Variants in KCNK9 observed in about 807,000 individuals in gnomAD.
The protein encoded by KCNK9 is potassium channel subfamily K member 9.
In KCNK9, 1 loss-of-function variant was observed where a neutral mutation model predicts 10.8. The ratio of observed to expected loss-of-function variants is 0.09; its 90% CI spans 0.03 to 0.44. The LOEUF (loss-of-function observed/expected upper bound fraction) is 0.44. Among genes scored for constraint, KCNK9 ranks in the 20% least tolerant of loss-of-function variants. KCNK9 has a pLI of 0.97. For synonymous variants in KCNK9, 231 were observed against 222.7 expected, an observed-to-expected ratio of 1.04 and a Z score of -0.33; for missense variants, 303 against 515.0, an observed-to-expected ratio of 0.59 and a Z score of 3.98.
chr8:139,677,116 G>A (rs1816567027), intron 1 of KCNK9, among the ~76,000 whole-genome samples: 1 of 152,160 alleles, frequency 6.6e-6, no homozygotes, highest in African/African-American at 2.4e-5. Flanking sequence ...CCCACATCAT[G>A]TTTCTGGACC....
chr8:139,600,995 C>G (rs1817351380), downstream of KCNK9: 1 of 152,184 alleles, frequency 6.6e-6, no homozygotes, highest in Non-Finnish European at 1.5e-5. Flanking sequence ...GCAGGACCAC[C>G]TGGCATCTGT....
Position 139,702,658 on chromosome 8 carries a change from T to A in KCNK9, c.283+52A>T. 6.5e-7 allele frequency: 1 copy of A among 1,538,154 alleles called. No homozygotes were observed. Among genetic ancestry groups the A allele is most frequent in the Non-Finnish European group, 8.8e-7 (1 of 1,142,530 alleles). ...GCCCGGCGCGGCGCGCTCAGCCGCCTCCCCGGACTCCTCCCGGGGCGCGGG... is the reference window on the plus strand; with the variant it reads ...GCCCGGCGCGGCGCGCTCAGCCGCCACCCCGGACTCCTCCCGGGGCGCGGG... On this transcript the variant is annotated intron_variant, in intron 1 of 1. Transcript: ENST00000520439. This position sits in a 1 kb window ranked among gnomAD's most constrained non-coding sequence, Gnocchi z 7.5.
At chr8:139,671,718 T>C (rs1360768469) in intron 1 of KCNK9, among the ~76,000 whole-genome samples, 1 of 152,008 alleles carries the variant, frequency 6.6e-6, no homozygotes, top group Non-Finnish European at 1.5e-5. Flanking sequence ...TGTAATTGTT[T>C]TTTGTATTTT....
intron 1 of KCNK9, among the ~76,000 whole-genome samples, chr8:139,700,544 G>GCACACA (rs145303403): frequency 7.0e-6 from 1 of 142,588 alleles, no homozygotes; most frequent in South Asian, 2.2e-4. Flanking sequence ...ACACACGCGC[G>GCACACA]CACACACACA....
chr8:139,687,399 T>C (rs572766198), intron 1 of KCNK9, among the ~76,000 whole-genome samples: 1,437 of 101,572 alleles, frequency 0.014, 29 homozygotes, highest in East Asian at 0.043. Context: ...TATATGTGTA[T>C]ACATATATAT....
chr8:139,667,909 C>G (rs1816339033), intron 1 of KCNK9, among the ~76,000 whole-genome samples: 1 of 151,636 alleles, frequency 6.6e-6, no homozygotes, highest in Admixed American at 6.6e-5. Flanking sequence ...GATTCCATTG[C>G]ATAGTTGGGC....
At chr8:139,659,305 T>G (rs932809868) in intron 1 of KCNK9, among the ~76,000 whole-genome samples, 12 of 152,310 alleles carry the variant, frequency 7.9e-5, no homozygotes, top group Non-Finnish European at 1.5e-4. Flanking sequence ...AAGAGCTGCC[T>G]TCAAATATTT....
At chr8:139,667,957 A>C (rs1816340091) in intron 1 of KCNK9, among the ~76,000 whole-genome samples, 1 of 151,840 alleles carries the variant, frequency 6.6e-6, no homozygotes, top group Non-Finnish European at 1.5e-5. Flanking sequence ...CTCCAAAGCC[A>C]CACCTCCTTT....
intron 1 of KCNK9, among the ~76,000 whole-genome samples, chr8:139,661,533 T>C (rs1816151084): frequency 6.6e-6 from 1 of 152,010 alleles, no homozygotes; most frequent in African/African-American, 2.4e-5. Flanking sequence ...ACAGGAAGGG[T>C]ATGCCCTCCC....
At chr8:139,612,509 T>C (rs1814458583), downstream of KCNK9, 1 of 151,546 alleles carries the variant, frequency 6.6e-6, no homozygotes, top group African/African-American at 2.4e-5. Flanking sequence ...GCTTCCTGTC[T>C]ATGTGTAGCT....
intron 1 of KCNK9, among the ~76,000 whole-genome samples, chr8:139,679,349 C>T (rs993964257): frequency 1.3e-5 from 2 of 152,232 alleles, no homozygotes; most frequent in Non-Finnish European, 2.9e-5. Flanking sequence ...ACTCCCTGAG[C>T]ACGGGGGTGT....
chr8:139,699,751 G>A (rs1817155223), intron 1 of KCNK9, among the ~76,000 whole-genome samples: 1 of 152,184 alleles, frequency 6.6e-6, no homozygotes, highest in Non-Finnish European at 1.5e-5. Flanking sequence ...CTTTTAGGAA[G>A]GCTCGGCCAC....
At chr8:139,635,087 G>A (rs984093151) in intron 1 of KCNK9, among the ~76,000 whole-genome samples, 2 of 152,212 alleles carry the variant, frequency 1.3e-5, no homozygotes, top group South Asian at 2.1e-4. Context: ...AGGCAGTCCT[G>A]TCAGAGAACA....
intron 1 of KCNK9, among the ~76,000 whole-genome samples, chr8:139,685,080 A>C (rs1487258278): frequency 6.6e-6 from 1 of 150,438 alleles, no homozygotes; most frequent in Admixed American, 6.7e-5. Flanking sequence ...AGTTTGATTT[A>C]ATAGGTTTGT....
intron 1 of KCNK9, among the ~76,000 whole-genome samples, chr8:139,679,236 G>A (rs923069991): frequency 6.6e-6 from 1 of 152,206 alleles, no homozygotes; most frequent in Non-Finnish European, 1.5e-5. Flanking sequence ...TTCCCGGAGA[G>A]CGCCTGTGTC....
intron 1 of KCNK9, among the ~76,000 whole-genome samples, chr8:139,630,058 GGGGGGAGCGGGCGT>G (rs1164893402): frequency 2.6e-5 from 4 of 151,926 alleles, no homozygotes; most frequent in African/African-American, 9.7e-5. Flanking sequence ...TAGGGGTTGC[GGGGGGAGCGGGCGT>G]GGGGGGCGGC....
Position 139,607,357 on chromosome 8 carries a change from A to G in KCNK9, c.*1-5756T>C, listed in dbSNP as rs752993441. Among the ~76,000 whole-genome samples, 4 of 152,194 alleles carry G rather than the reference A, an allele frequency of 2.6e-5. No individual in the cohort carries two copies. In the South Asian group the frequency reaches 8.3e-4, roughly 32 times the overall value. On this transcript the variant is annotated intron_variant, in intron 2 of 2. Coordinates refer to the KCNK9 transcript ENST00000650269. The stretch of plus-strand genomic sequence containing the variant: ...CTCACCTTCATGGCCCCCAGTAAGG[A>G]CAGCAGGCAGCACATGCTCAACGTG...
intron 1 of KCNK9, among the ~76,000 whole-genome samples, chr8:139,662,716 A>T (rs1563740989): frequency 6.6e-6 from 1 of 151,946 alleles, no homozygotes; most frequent in Non-Finnish European, 1.5e-5. Flanking sequence ...ACCCAACTCC[A>T]TATTTCATGA....
chr8:139,636,763 GA>G (rs1235085869), intron 1 of KCNK9, among the ~76,000 whole-genome samples: 1 of 152,204 alleles, frequency 6.6e-6, no homozygotes, highest in Non-Finnish European at 1.5e-5. Flanking sequence ...ATTTCAGGAA[GA>G]AAAGAAAGGT....
Sources: allele counts gnomAD v4.1 joint callset (sites outside exome capture counted in the v4.1 genomes callset), GRCh38; gene constraint gnomAD v4.1.1; non-coding constraint Gnocchi (gnomAD v3.1); transcripts MANE v1.5; gene names NCBI Gene and HGNC (gene_info 2026-07-23, HGNC 2026-07-21).